The following DNAH17 variants were observed in gnomAD, a reference collection of about 807,000 sequenced individuals.
The protein encoded by DNAH17 is dynein axonemal heavy chain 17, also known as axonemal beta dynein heavy chain 17.
DNAH17 carries 376 observed loss-of-function variants against 485.6 expected under a neutral mutation model. That is an observed-to-expected ratio of 0.77 (90% CI 0.71 to 0.84). DNAH17 has a LOEUF of 0.84. DNAH17 is among the 40% of genes least tolerant of loss of function. The pLI, the probability that DNAH17 is intolerant of heterozygous loss-of-function variation, is 0.00. For synonymous variants in DNAH17, 3,031 were observed against 2,405.9 expected (o/e 1.26, Z -7.60); for missense variants, 6,370 against 5,839.3 (o/e 1.09, Z -2.96).
In DNAH17 at chr17:78,529,477, G is replaced by A. The variant is rs767525474; in HGVS notation, c.3502C>T (p.Leu1168=). Residue 1168 remains leucine, a synonymous_variant, in exon 22 of 81, where the codon CTG becomes TTG. Coordinates refer to ENST00000389840, the MANE Select transcript of DNAH17 (RefSeq NM_173628.4). ...EEMPEEIHLK[L]QELPEHWANT... ...CACACCCACCCACCACGTACCTGCAGCTTCAAGTGGATCTCCTCTGGCATC... is the reference window on the plus strand; with the variant it reads ...CACACCCACCCACCACGTACCTGCAACTTCAAGTGGATCTCCTCTGGCATC... The A allele has an allele frequency of 1.9e-6, 3 of 1,613,890 alleles. No homozygotes were observed. Among genetic ancestry groups the A allele is most frequent in the South Asian group, 1.1e-5 (1 of 91,066 alleles).
In DNAH17 at chr17:78,507,780, CA is replaced by C; in HGVS notation, c.4261del (p.Trp1421GlyfsTer3). On this transcript the variant is annotated frameshift_variant, in exon 28 of 81. Transcript: ENST00000389840. LOFTEE classifies it high-confidence loss of function. ...CTCGTGCTGGAATTCCATCATGCTC[CA>C]GGTACTGTCCAGGGCTTTCAGCACC... ...EKVLKALDST[W>X]SMMEFQHEPH... 1 of 1,582,096 alleles carries C rather than the reference CA, an allele frequency of 6.3e-7. No homozygotes were observed. Among genetic ancestry groups the C allele is most frequent in the Non-Finnish European group, 8.5e-7 (1 of 1,171,004 alleles).
At chr17:78,530,089 G>A (rs1039459153) in intron 21 of DNAH17, among the ~76,000 whole-genome samples, 3 of 152,222 alleles carry the variant, frequency 2.0e-5, no homozygotes, top group African/African-American at 7.2e-5. Flanking sequence ...ACAGACTTCT[G>A]GTTTCCTCCG....
rs889276762 is a variant in DNAH17, at chr17:78,557,987, A to C, written c.2178+121T>G. The C allele has an allele frequency of 7.5e-5, 93 of 1,245,098 alleles. No individual in the cohort carries two copies. The Middle Eastern group carries it at 7.8e-4, about 10-fold the overall frequency. The allele number at this position is 1,245,098 out of a possible 1,614,324, so 77.1% of individuals were successfully genotyped here. Reference sequence around the variant, plus strand: ...AAGTATGCAGTGAATGGAAGAATGAATTTGAGTGAATGGGAAGATTTCCCA... The same window carrying C: ...AAGTATGCAGTGAATGGAAGAATGACTTTGAGTGAATGGGAAGATTTCCCA... On this transcript the variant is annotated intron_variant, in intron 14 of 80. Coordinates refer to ENST00000389840, the MANE Select transcript of DNAH17 (RefSeq NM_173628.4).
chr17:78,427,397 C>T (rs72914896), intron 77 of DNAH17, among the ~76,000 whole-genome samples: 23,789 of 152,230 alleles, frequency 0.16, 1,986 homozygotes, highest in Middle Eastern at 0.2. Context: ...CATTCCCACG[C>T]ACCAGCCTCT....
intron 16 of DNAH17, 56 bp from the exon 17 acceptor site, chr17:78,544,053 G>T: frequency 6.2e-7 from 1 of 1,609,652 alleles, no homozygotes; most frequent in Non-Finnish European, 8.5e-7. Context: ...GCTTTCAGTC[G>T]CAGTCCTTTG....
chr17:78,426,697 T>C lies in DNAH17; in HGVS notation c.12772-97A>G, dbSNP rs531220818. On this transcript the variant is annotated intron_variant, in intron 78 of 80. Coordinates refer to ENST00000389840, the MANE Select transcript of DNAH17 (RefSeq NM_173628.4). The stretch of plus-strand genomic sequence containing the variant: ...CATGAGTTGTCAACACAGTGTGGCT[T>C]TGTGCTGCGCCTCTGGAGACGCCCT... The C allele has an allele frequency of 4.0e-6, 6 of 1,489,322 alleles. No individual in the cohort carries two copies. In the South Asian group the frequency reaches 5.3e-5, roughly 13 times the overall value. 92.3% of individuals were successfully genotyped at this position (1,489,322 alleles called of 1,614,324 possible). A position where few individuals can be genotyped will look rare whatever the true frequency, so the allele number is the denominator to read the frequency against.
chr17:78,492,996 GCC>G (rs2089929045), intron 41 of DNAH17: 1 of 375,416 alleles, frequency 2.7e-6, no homozygotes, highest in Non-Finnish European at 4.8e-6. Context: ...GATTACAGGC[GCC>G]CATGACCACA....
chr17:78,447,726 C>G (rs1419746325), intron 69 of DNAH17, among the ~76,000 whole-genome samples: 1 of 150,978 alleles, frequency 6.6e-6, no homozygotes, highest in African/African-American at 2.5e-5. Flanking sequence ...CAGAGATTCA[C>G]ATGTAAAAGG....
intron 56 of DNAH17, 59 bp from the exon 57 acceptor site, chr17:78,463,136 G>A (rs1320593333): frequency 2.6e-6 from 4 of 1,525,836 alleles, no homozygotes; most frequent in Non-Finnish European, 3.6e-6. Flanking sequence ...CAGCAAAGTG[G>A]GGCTCCCCAG....
chr17:78,503,984 CA>C (rs2090397358), intron 31 of DNAH17, among the ~76,000 whole-genome samples: 1 of 110,038 alleles, frequency 9.1e-6, no homozygotes, highest in African/African-American at 3.8e-5. Context: ...AACAAACAAA[CA>C]AAAAACAAAT....
In DNAH17 at chr17:78,559,614, C is replaced by G. The variant is rs2092107599; in HGVS notation, c.2031+1126G>C. On this transcript the variant is annotated intron_variant, in intron 13 of 80. Transcript: ENST00000389840. ...CTGATTTTCCTGCTCTTTCCTCCAG[C>G]CCCAGCTCCGTTCAATCTACGCACC... is the stretch of plus-strand genomic sequence containing the variant. Among the ~76,000 whole-genome samples, 3 of 152,348 alleles carry G rather than the reference C, an allele frequency of 2.0e-5. No individual in the cohort carries two copies. In the South Asian group the frequency reaches 6.2e-4, roughly 32 times the overall value.
intron 12 of DNAH17, among the ~76,000 whole-genome samples, 152 bp downstream of exon 12, chr17:78,561,563 A>AG: frequency 6.6e-6 from 1 of 151,414 alleles, no homozygotes; most frequent in Admixed American, 6.6e-5. Flanking sequence ...GGGAGGAGGG[A>AG]GGACCAGAAG....
intron 24 of DNAH17, 21 bp from the exon 25 acceptor site, chr17:78,525,182 G>A (rs752726384): frequency 1.1e-5 from 17 of 1,608,008 alleles, no homozygotes; most frequent in East Asian, 4.5e-5. Flanking sequence ...CGAGGGGGCC[G>A]TCAGTAGGGC....
rs375154691 is a variant in DNAH17, at chr17:78,485,983, G to C, written c.7252C>G (p.Leu2418Val). The change falls in exon 46 of 81, where the codon CTG becomes GTG. Residue 2418 changes from leucine to valine, a missense_variant. Leu to Val is a conservative substitution (Grantham distance 32, BLOSUM62 1). Transcript: ENST00000389840. Reference sequence around the variant, plus strand: ...ACCTGCAGTGGGACATCGGGATCCAGCTCAAAGGAGGGCACTTTATCTGTC... The same window carrying C: ...ACCTGCAGTGGGACATCGGGATCCACCTCAAAGGAGGGCACTTTATCTGTC... Reference protein sequence around the residue: ...PWTDKVPSFELDPDVPLQASL... With the variant: ...PWTDKVPSFEVDPDVPLQASL... The C allele has an allele frequency of 6.2e-7, 1 of 1,612,928 alleles. No individual in the cohort carries two copies. Among genetic ancestry groups the C allele is most frequent in the Non-Finnish European group, 8.5e-7 (1 of 1,179,840 alleles).
At chr17:78,557,280 A>T (rs2092044903) in intron 14 of DNAH17, among the ~76,000 whole-genome samples, 1 of 152,152 alleles carries the variant, frequency 6.6e-6, no homozygotes, top group African/African-American at 2.4e-5. Context: ...AATGACTTTA[A>T]TATTATCCAA....
chr17:78,553,314 TTTTTTA>T (rs1412733762), intron 14 of DNAH17, among the ~76,000 whole-genome samples: 867 of 52,468 alleles, frequency 0.017, 141 homozygotes, highest in African/African-American at 0.044. Flanking sequence ...TTTTTTTTTT[TTTTTTA>T]AGATGGAGTC....
chr17:78,561,902 C>T lies in DNAH17; in HGVS notation c.1648G>A (p.Glu550Lys), dbSNP rs372103045. The T allele has an allele frequency of 8.6e-5, 139 of 1,613,738 alleles. No homozygotes were observed. Among genetic ancestry groups the T allele is most frequent in the Non-Finnish European group, 1.0e-4 (121 of 1,179,860 alleles). The change falls in exon 12 of 81, where the codon GAG becomes AAG. Residue 550 changes from glutamate to lysine, a missense_variant. Transcript: ENST00000389840. ...EVAPRYSVML[E>K]LFDAELDNAK... ...TTGTCTAGCTCAGCGTCAAACAGCT[C>T]CAGCATGACTGAATACCTGGGCGCC...
rs144233814 is a variant in DNAH17, at chr17:78,515,029, C to T, written c.3865-7G>A. The T allele has an allele frequency of 6.6e-5, 106 of 1,612,700 alleles. No homozygotes were observed. The highest frequency in any genetic ancestry group is 6.5e-4 in the African/African-American group (49 of 75,000). ...CCTCGATGCTGGTATTTACCTGAAA[C>T]GAAAACATCCCGTTTCTCCTTCCAC... On this transcript the variant is annotated splice_region_variant and splice_polypyrimidine_tract_variant and intron_variant, in intron 25 of 80. Coordinates refer to ENST00000389840, the MANE Select transcript of DNAH17 (RefSeq NM_173628.4).
intron 69 of DNAH17, among the ~76,000 whole-genome samples, chr17:78,448,712 C>T (rs988950002): frequency 6.6e-6 from 1 of 152,192 alleles, no homozygotes; most frequent in Non-Finnish European, 1.5e-5. Context: ...TGGGCCGTGA[C>T]AGCAGAGTGA....
Sources: gnomAD v4.1 joint callset for allele counts (sites outside exome capture counted in the v4.1 genomes callset) on GRCh38, gnomAD v4.1.1 for gene constraint, MANE v1.5 for transcripts, NCBI Gene and HGNC (gene_info 2026-07-23, HGNC 2026-07-21) for gene names.